The following CSNK1G1 variants were observed in gnomAD, a reference collection of about 807,000 sequenced individuals.
CSNK1G1 encodes the protein casein kinase I isoform gamma-1.
CSNK1G1 carries 22 observed loss-of-function variants against 59.6 expected under a neutral mutation model. The ratio of observed to expected loss-of-function variants is 0.37; its 90% CI spans 0.26 to 0.53. CSNK1G1 has a LOEUF of 0.53. CSNK1G1 is among the 20% of genes least tolerant of loss of function. CSNK1G1 has a pLI of 0.89. For synonymous variants in CSNK1G1, 179 were observed against 177.1 expected (o/e 1.01, Z -0.08); for missense variants, 384 against 519.5 (o/e 0.74, Z 2.54).
rs943341937 is a variant in CSNK1G1 at position 64,199,962 on chromosome 15, G to T, written c.1107+3120C>A. On this transcript the variant is annotated intron_variant, in intron 10 of 11. Coordinates refer to ENST00000303052, the MANE Select transcript of CSNK1G1 (RefSeq NM_022048.5). ...AAATATTCTAAAAAATAGGCACAAGGTGCCGGGCATGGTGGTTCATGCCTG... is the reference window on the plus strand; with the variant it reads ...AAATATTCTAAAAAATAGGCACAAGTTGCCGGGCATGGTGGTTCATGCCTG... Among the ~76,000 whole-genome samples, 8 of 152,248 alleles carry T rather than the reference G, an allele frequency of 5.3e-5. No homozygotes were observed. In the South Asian group the frequency reaches 1.0e-3, roughly 20 times the overall value.
intron 4 of CSNK1G1, among the ~76,000 whole-genome samples, chr15:64,250,717 T>G (rs1399937099): frequency 6.6e-6 from 1 of 151,746 alleles, no homozygotes; most frequent in Non-Finnish European, 1.5e-5. Context: ...TGCACTCCAG[T>G]CTGGGTGATG....
chr15:64,181,246 G>GT (rs2081809323), intron 10 of CSNK1G1: 12 of 1,535,842 alleles, frequency 7.8e-6, no homozygotes, highest in Middle Eastern at 1.7e-4. Context: ...TCCCCGAAAT[G>GT]TAAGTGAAGG....
chr15:64,291,201 C>T (rs532306187), intron 2 of CSNK1G1, among the ~76,000 whole-genome samples: 4 of 152,128 alleles, frequency 2.6e-5, no homozygotes, highest in Non-Finnish European at 4.4e-5. Context: ...GTTTAAAATA[C>T]CATGATTTTC....
chr15:64,250,350 G>A (rs920380976), intron 4 of CSNK1G1, among the ~76,000 whole-genome samples: 1 of 152,148 alleles, frequency 6.6e-6, no homozygotes, highest in Non-Finnish European at 1.5e-5. Context: ...GCTATAGTCA[G>A]GGTATAATAA....
intron 10 of CSNK1G1, among the ~76,000 whole-genome samples, chr15:64,192,067 C>T (rs962025695): frequency 6.6e-6 from 1 of 152,202 alleles, no homozygotes; most frequent in Non-Finnish European, 1.5e-5. Context: ...CTAGGCAATA[C>T]TGTGTACACA....
intron 10 of CSNK1G1, among the ~76,000 whole-genome samples, chr15:64,192,668 C>T (rs553962567): frequency 6.6e-6 from 1 of 151,528 alleles, no homozygotes; most frequent in African/African-American, 2.4e-5. Flanking sequence ...AGACCAGCCT[C>T]GCCAACATGG....
intron 10 of CSNK1G1, chr15:64,189,491 GA>G: frequency 2.4e-6 from 3 of 1,225,016 alleles, no homozygotes; most frequent in South Asian, 1.5e-5. Context: ...CTACAAAAAT[GA>G]AAAATGAGTA....
chr15:64,292,551 A>T (rs922083235), intron 2 of CSNK1G1, among the ~76,000 whole-genome samples: 2 of 152,218 alleles, frequency 1.3e-5, no homozygotes, highest in Admixed American at 1.3e-4. Flanking sequence ...GATAATATGA[A>T]TATTATTAAA....
At position 64,242,394 on chromosome 15, in the gene CSNK1G1, A is replaced by G. The variant is rs139363678; in HGVS notation, c.292+9118T>C. Reference sequence around the variant, plus strand: ...ATTAGATCTGGTCATTTTTTCCCCCACTTTCCCCCGACTCCCAGTCACTCT... The same window carrying G: ...ATTAGATCTGGTCATTTTTTCCCCCGCTTTCCCCCGACTCCCAGTCACTCT... On this transcript the variant is annotated intron_variant, in intron 4 of 11. Transcript: ENST00000303052. 9.9e-5 allele frequency among the ~76,000 whole-genome samples: 15 copies of G among 151,804 alleles called. 1 individual carries two copies. The highest frequency in any genetic ancestry group is 3.6e-4 in the African/African-American group (15 of 41,338).
intron 10 of CSNK1G1, among the ~76,000 whole-genome samples, chr15:64,185,624 G>A (rs1018343480): frequency 5.9e-5 from 9 of 152,066 alleles, no homozygotes; most frequent in African/African-American, 1.9e-4. Flanking sequence ...AGGACTTTGC[G>A]AGGCCAAGGC....
Position 64,171,655 on chromosome 15 carries a change from A to G in CSNK1G1, c.*276T>C, listed in dbSNP as rs1377928484. 4 of 519,160 alleles carry G rather than the reference A, an allele frequency of 7.7e-6. No homozygotes were observed. Among genetic ancestry groups the G allele is most frequent in the Middle Eastern group, 5.2e-4 (1 of 1,936 alleles). The allele number at this position is 519,160 out of a possible 1,614,324, so 32.2% of individuals were successfully genotyped here. Reference sequence around the variant, plus strand: ...GTGAATGACACCTTCACTGTAAACAATGGGAAGGAGAGTCAACCAGGCAGC... The same window carrying G: ...GTGAATGACACCTTCACTGTAAACAGTGGGAAGGAGAGTCAACCAGGCAGC... On this transcript the variant is annotated 3_prime_UTR_variant, in exon 12 of 12. Transcript: ENST00000303052. The surrounding 1 kb of genome is among the most constrained non-coding windows in gnomAD (Gnocchi z 4.8).
At chr15:64,240,335 T>C (rs1195789693) in intron 4 of CSNK1G1, among the ~76,000 whole-genome samples, 1 of 152,160 alleles carries the variant, frequency 6.6e-6, no homozygotes. Flanking sequence ...TATTATATGA[T>C]TTCTAGAAGA....
intron 2 of CSNK1G1, among the ~76,000 whole-genome samples, chr15:64,264,121 T>C (rs1399601086): frequency 1.3e-5 from 2 of 152,216 alleles, no homozygotes; most frequent in African/African-American, 4.8e-5. Flanking sequence ...AAGGCTAGTT[T>C]AGAATAAGAT....
At position 64,217,193 on chromosome 15, in the gene CSNK1G1, C is replaced by T. The variant is rs78385498; in HGVS notation, c.293-480G>A. Among the ~76,000 whole-genome samples the T allele has an allele frequency of 2.3e-3, 352 of 152,340 alleles. 1 individual carries two copies. The highest frequency in any genetic ancestry group is 8.2e-3 in the African/African-American group (339 of 41,578). On this transcript the variant is annotated intron_variant, in intron 4 of 11. Transcript: ENST00000303052. ...CTATGGACAACTCAGACTGAAGAGGCAAGGTCACAGAGCGTGCAGCCTGGC... is the reference window on the plus strand; with the variant it reads ...CTATGGACAACTCAGACTGAAGAGGTAAGGTCACAGAGCGTGCAGCCTGGC...
chr15:64,263,378 G>A (rs148315093), intron 2 of CSNK1G1, among the ~76,000 whole-genome samples: 451 of 152,010 alleles, frequency 3.0e-3, no homozygotes, highest in Non-Finnish European at 4.7e-3. Context: ...TAGTAGAGAC[G>A]GGGTTTCGCC....
At chr15:64,256,268 T>C (rs1375098981) in intron 3 of CSNK1G1, among the ~76,000 whole-genome samples, 1 of 152,234 alleles carries the variant, frequency 6.6e-6, no homozygotes, top group African/African-American at 2.4e-5. Flanking sequence ...ACAGAGGCAA[T>C]GAATTTTAAA....
At position 64,290,414 on chromosome 15, in the gene CSNK1G1, T is replaced by C. The variant is rs560647583; in HGVS notation, c.181+9905A>G. 5.3e-5 allele frequency among the ~76,000 whole-genome samples: 8 copies of C among 152,030 alleles called. No individual in the cohort carries two copies. The East Asian group carries it at 1.5e-3, about 29-fold the overall frequency. ...TCCGCCCTTAAAAAAATAATAAAATTTCACGTTTTTTGCAGCAACATGGAT... is the reference window on the plus strand; with the variant it reads ...TCCGCCCTTAAAAAAATAATAAAATCTCACGTTTTTTGCAGCAACATGGAT... On this transcript the variant is annotated intron_variant, in intron 2 of 11. Transcript: ENST00000303052.
chr15:64,229,035 A>AG (rs1555501605), intron 4 of CSNK1G1, among the ~76,000 whole-genome samples: 3 of 151,338 alleles, frequency 2.0e-5, no homozygotes, highest in African/African-American at 4.9e-5. Flanking sequence ...AAAAAAAAAA[A>AG]AAAGAAAAAG....
At chr15:64,336,940 G>T (rs753803259) in intron 1 of CSNK1G1, among the ~76,000 whole-genome samples, 1 of 151,942 alleles carries the variant, frequency 6.6e-6, no homozygotes, top group Non-Finnish European at 1.5e-5. Flanking sequence ...GAAAAAAGCA[G>T]AACTCGGCCG....
Sources: gnomAD v4.1 joint callset for allele counts (sites outside exome capture counted in the v4.1 genomes callset) on GRCh38, gnomAD v4.1.1 for gene constraint, Gnocchi (gnomAD v3.1) non-coding constraint, MANE v1.5 for transcripts, NCBI Gene and HGNC (gene_info 2026-07-23, HGNC 2026-07-21) for gene names.